ZP4: variants seen among roughly 807,000 people sequenced by gnomAD.
ZP4 encodes zona pellucida sperm-binding protein 4.
ZP4 carries 62 observed loss-of-function variants against 62.3 expected under a neutral mutation model. The observed-to-expected ratio is 0.99, with a 90% CI of 0.81 to 1.23. The LOEUF is 1.23. Among genes scored for constraint, ZP4 ranks in the 50% most tolerant of loss-of-function variants. The pLI is 0.00. For missense variants in ZP4, 774 were observed against 656.0 expected, an observed-to-expected ratio of 1.18 and a Z score of -1.97; for synonymous variants, 289 against 247.3, an observed-to-expected ratio of 1.17 and a Z score of -1.58.
chr1:237,882,988 T>C (rs749400079), intron 10 of ZP4, 142 bp from the exon 11 acceptor site: 370 of 574,002 alleles, frequency 6.4e-4, no homozygotes, highest in Non-Finnish European at 9.3e-4. Context: ...TATTAATATG[T>C]ACTTGAACAA....
chr1:237,890,327 G>C (rs1665211155), intron 1 of ZP4, 134 bp downstream of exon 1: 1 of 1,487,292 alleles, frequency 6.7e-7, no homozygotes, highest in Non-Finnish European at 9.2e-7. Context: ...TTATAACTTA[G>C]ACTATTTCTT....
chr1:237,884,957 G>A (rs188722689), intron 9 of ZP4, 110 bp from the exon 10 acceptor site: 238 of 1,287,844 alleles, frequency 1.8e-4, no homozygotes, highest in Non-Finnish European at 1.8e-4. Context: ...AAATTGATAT[G>A]GTCCAAGTTG....
At chr1:237,889,123 G>A (rs941763020) in intron 3 of ZP4, among the ~76,000 whole-genome samples, 1 of 152,060 alleles carries the variant, frequency 6.6e-6, no homozygotes. Flanking sequence ...GGAAGACCTG[G>A]GTCCTAGTCT....
chr1:237,882,557 A>G lies in ZP4; in HGVS notation c.1496-8T>C, dbSNP rs373580158. The G allele has an allele frequency of 3.4e-5, 54 of 1,591,664 alleles. No homozygotes were observed. The Middle Eastern group carries it at 1.0e-3, about 30-fold the overall frequency. ...TCGAGTCTACAGGAACACCTGGAGG[A>G]TGGATGGAAAGGTAGGTTAATGTAT... is the stretch of plus-strand genomic sequence containing the variant. On this transcript the variant is annotated splice_polypyrimidine_tract_variant and splice_region_variant and intron_variant, in intron 11 of 11. Transcript: ENST00000366570.
intron 4 of ZP4, 146 bp downstream of exon 4, chr1:237,888,212 A>T: frequency 1.4e-6 from 1 of 709,004 alleles, no homozygotes; most frequent in Non-Finnish European, 2.1e-6. Context: ...GAAGTCTGTT[A>T]CATTGGGATC....
Position 237,885,792 on chromosome 1 carries a change from G to A in ZP4, c.934C>T (p.Pro312Ser), listed in dbSNP as rs1301890553. ...TLPPPFPETQ[P>S]GPLTLELQIA... ...TGAAGTTCCAGAGTGAGGGGTCCAG[G>A]CTGGGTCTCAGGAAAGGGTGGTGGG... The change falls in exon 7 of 12, where the codon CCT becomes TCT. Residue 312 changes from proline (P) to serine (S), a missense_variant. Pro to Ser is a moderately conservative substitution (Grantham distance 74). Coordinates refer to ENST00000366570, the MANE Select transcript of ZP4 (RefSeq NM_021186.5). 1 of 1,614,142 alleles carries A rather than the reference G, an allele frequency of 6.2e-7. No homozygotes were observed. The highest frequency in any genetic ancestry group is 1.3e-5 in the African/African-American group (1 of 75,028).
intron 10 of ZP4, among the ~76,000 whole-genome samples, chr1:237,884,018 ACACAC>A (rs1665027739): frequency 5.8e-5 from 2 of 34,350 alleles, no homozygotes; most frequent in Non-Finnish European, 6.2e-5. Flanking sequence ...ACACACACAA[ACACAC>A]ACACACACAA....
In ZP4 at chr1:237,888,520, G is replaced by C. The variant is rs541624502; in HGVS notation, c.401-10C>G. On this transcript the variant is annotated splice_polypyrimidine_tract_variant and intron_variant, in intron 3 of 11. Transcript: ENST00000366570. ...TCTGGAGCATCTCGGGCTAGGTTTT[G>C]AAAAAGAGTAAGTCAGGTTAGATAA... 1.3e-6 allele frequency: 2 copies of C among 1,580,588 alleles called. No individual in the cohort carries two copies. Among genetic ancestry groups the C allele is most frequent in the East Asian group, 2.3e-5 (1 of 44,082 alleles).
chr1:237,889,808 G>T, intron 3 of ZP4, 59 bp downstream of exon 3: 1 of 1,475,708 alleles, frequency 6.8e-7, no homozygotes, highest in Non-Finnish European at 9.5e-7. Context: ...AGGACCAAGA[G>T]TACTTTCACA....
At chr1:237,884,706 G>C in intron 10 of ZP4, 63 bp downstream of exon 10, 1 of 1,483,850 alleles carries the variant, frequency 6.7e-7, no homozygotes, top group Non-Finnish European at 9.3e-7. Flanking sequence ...CAGAGACTAG[G>C]AAAGGTTAGA....
intron 10 of ZP4, 32 bp from the exon 11 acceptor site, chr1:237,882,878 A>C: frequency 6.3e-7 from 1 of 1,590,202 alleles, no homozygotes; most frequent in Non-Finnish European, 8.6e-7. Flanking sequence ...GTAATTCATT[A>C]GTTTTTGCAC....
At chr1:237,888,633 C>T (rs2236595) in intron 3 of ZP4, 123 bp from the exon 4 acceptor site, 495,476 of 892,736 alleles carry the variant, frequency 0.56, 142,627 homozygotes, top group African/African-American at 0.87. Flanking sequence ...TAGGTGTCTA[C>T]TCCATATTGT....
chr1:237,883,251 A>T (rs1222233268), intron 10 of ZP4, among the ~76,000 whole-genome samples: 2 of 152,132 alleles, frequency 1.3e-5, no homozygotes, highest in East Asian at 3.9e-4. Flanking sequence ...CATTCACTTG[A>T]AATATACAGT....
At position 237,885,393 on chromosome 1, in the gene ZP4, C is replaced by CT. The variant is rs1410714771; in HGVS notation, c.1157dup (p.Cys388LeufsTer64). Reference sequence around the variant, plus strand: ...AGGTGTATGAAAGAACCACTTACCCCTTTACCAGGATGGGCCACTGTGGCT... The same window carrying CT: ...AGGTGTATGAAAGAACCACTTACCCCTTTTACCAGGATGGGCCACTGTGGCT... On this transcript the variant is annotated frameshift_variant, in exon 8 of 12. Transcript: ENST00000366570. LOFTEE classifies it high-confidence loss of function. The CT allele has an allele frequency of 3.7e-6, 6 of 1,611,006 alleles. No homozygotes were observed. Among genetic ancestry groups the CT allele is most frequent in the Non-Finnish European group, 4.2e-6 (5 of 1,178,432 alleles).
rs1480676190 is a variant in ZP4, at chr1:237,882,421, TTTA to T, written c.1621_1623del (p.Ter541delextTer?). The stretch of plus-strand genomic sequence containing the variant: ...GCACAGGCTGGGAATACACTCTGGT[TTTA>T]TTGACACATTTGGTCTGGGCAACTC... On this transcript the variant is annotated stop_lost and inframe_deletion, in exon 12 of 12. Coordinates refer to ENST00000366570, the MANE Select transcript of ZP4 (RefSeq NM_021186.5). 1 of 1,610,182 alleles carries T rather than the reference TTTA, an allele frequency of 6.2e-7. No individual in the cohort carries two copies. Among genetic ancestry groups the T allele is most frequent in the East Asian group, 2.2e-5 (1 of 44,854 alleles).
Position 237,890,639 on chromosome 1 carries a change from G to A in ZP4, c.-4C>T. 6.2e-7 allele frequency: 1 copy of A among 1,610,182 alleles called. No homozygotes were observed. Among genetic ancestry groups the A allele is most frequent in the Non-Finnish European group, 8.5e-7 (1 of 1,177,976 alleles). On this transcript the variant is annotated 5_prime_UTR_variant, in exon 1 of 12. Coordinates refer to ENST00000366570, the MANE Select transcript of ZP4 (RefSeq NM_021186.5). ...AAACGCACCGCAGCAGCCACATAATGCTACCAGGAGTTCCTGCCGGCTGCA... is the reference window on the plus strand; with the variant it reads ...AAACGCACCGCAGCAGCCACATAATACTACCAGGAGTTCCTGCCGGCTGCA...
chr1:237,889,223 G>T (rs189493448), intron 3 of ZP4, among the ~76,000 whole-genome samples: 6 of 152,098 alleles, frequency 3.9e-5, no homozygotes, highest in Admixed American at 2.0e-4. Context: ...TGGGTGAAAA[G>T]CTCCTGGTTC....
intron 10 of ZP4, 105 bp downstream of exon 10, chr1:237,884,664 G>A (rs1214193070): frequency 9.5e-7 from 1 of 1,055,256 alleles, no homozygotes; most frequent in African/African-American, 1.6e-5. Context: ...AGAAGCCTTA[G>A]TAAGATGAAT....
Position 237,882,814 on chromosome 1 carries a change from T to G in ZP4, c.1423A>C (p.Thr475Pro). ...RRNFDNSSQN[T>P]TASVSSKGPM... Reference sequence around the variant, plus strand: ...CCTTTGCTAGAAACACTAGCAGTAGTGTTCTGAGAACTGTTGTCAAAATTT... The same window carrying G: ...CCTTTGCTAGAAACACTAGCAGTAGGGTTCTGAGAACTGTTGTCAAAATTT... Residue 475 changes from threonine (T) to proline (P), a missense_variant, in exon 11 of 12, where the codon ACT (threonine) becomes CCT (proline). Physicochemically the swap from Thr to Pro is conservative, Grantham distance 38 (BLOSUM62 -1). Transcript: ENST00000366570. 1 of 1,614,122 alleles carries G rather than the reference T, an allele frequency of 6.2e-7. No individual in the cohort carries two copies. The highest frequency in any genetic ancestry group is 8.5e-7 in the Non-Finnish European group (1 of 1,179,992).
Sources: gnomAD v4.1 joint callset for allele counts (sites outside exome capture counted in the v4.1 genomes callset) on GRCh38, gnomAD v4.1.1 for gene constraint, MANE v1.5 for transcripts, NCBI Gene and HGNC (gene_info 2026-07-23, HGNC 2026-07-21) for gene names.